The following KHDRBS3 variants were observed in gnomAD, a reference collection of about 807,000 sequenced individuals.
KHDRBS3 encodes KH RNA binding domain containing, signal transduction associated 3.
Under a neutral mutation model 45.6 loss-of-function variants are expected in KHDRBS3, and 23 were observed. That is an observed-to-expected ratio of 0.50 (90% CI 0.36 to 0.72). KHDRBS3 has a LOEUF of 0.72. Ranked by LOEUF, KHDRBS3 falls within the 30% of genes least tolerant of loss-of-function variation. KHDRBS3 has a pLI of 0.00. For synonymous variants in KHDRBS3, 162 were observed against 156.5 expected, an observed-to-expected ratio of 1.04 and a Z score of -0.26; for missense variants, 352 against 424.8, an observed-to-expected ratio of 0.83 and a Z score of 1.51.
chr8:135,535,309 A>T lies in KHDRBS3; in HGVS notation c.208-7345A>T, dbSNP rs1383517341. Among the ~76,000 whole-genome samples the T allele has an allele frequency of 1.1e-3, 106 of 94,140 alleles. 1 individual carries two copies. Among genetic ancestry groups the T allele is most frequent in the African/African-American group, 4.6e-3 (104 of 22,536 alleles). The allele number at this position is 94,140 out of a possible 152,430, so 61.8% of individuals were successfully genotyped here. A position where few individuals can be genotyped will look rare whatever the true frequency, so the allele number is the denominator to read the frequency against. ...ATAAACTATTATATATAGTTAAACT[A>T]TATATAAACTATTATATATAGTTAA... On this transcript the variant is annotated intron_variant, in intron 2 of 8. Transcript: ENST00000355849.
At chr8:135,627,439 C>CTACTTCTATCTCAT (rs1830420638) in intron 7 of KHDRBS3, among the ~76,000 whole-genome samples, 1 of 152,172 alleles carries the variant, frequency 6.6e-6, no homozygotes, top group Non-Finnish European at 1.5e-5. Context: ...TCTACTTCAT[C>CTACTTCTATCTCAT]TGCAAAAGGA....
At chr8:135,545,462 T>C (rs920628010) in intron 3 of KHDRBS3, among the ~76,000 whole-genome samples, 1 of 152,184 alleles carries the variant, frequency 6.6e-6, no homozygotes, top group African/African-American at 2.4e-5. Context: ...GTTTAATTTA[T>C]TCTTAGGTTT....
intron 1 of KHDRBS3, among the ~76,000 whole-genome samples, chr8:135,491,848 A>G (rs779572659): frequency 2.0e-5 from 3 of 152,174 alleles, no homozygotes; most frequent in African/African-American, 7.2e-5. Context: ...GCCTCTTAGC[A>G]GAAATTAAGG....
chr8:135,647,165 C>A lies in KHDRBS3; in HGVS notation c.*81C>A. 1 of 556,842 alleles carries A rather than the reference C, an allele frequency of 1.8e-6. No homozygotes were observed. Among genetic ancestry groups the A allele is most frequent in the Non-Finnish European group, 3.2e-6 (1 of 317,376 alleles). The allele number at this position is 556,842 out of a possible 1,614,324, so 34.5% of individuals were successfully genotyped here. A position where few individuals can be genotyped will look rare whatever the true frequency, so the allele number is the denominator to read the frequency against. On this transcript the variant is annotated 3_prime_UTR_variant, in exon 9 of 9. Transcript: ENST00000355849. ...AAAGTAATTTTTTTCTATGAACAAT[C>A]CCTTTTTAAATAAATCAGAATGCTT...
At chr8:135,627,778 T>C (rs1052518134) in intron 7 of KHDRBS3, among the ~76,000 whole-genome samples, 4 of 152,234 alleles carry the variant, frequency 2.6e-5, no homozygotes, top group Non-Finnish European at 5.9e-5. Context: ...CTATCAGTTA[T>C]CTTACCTCTA....
At chr8:135,614,519 G>T (rs7814800) in intron 7 of KHDRBS3, among the ~76,000 whole-genome samples, 151,479 of 151,864 alleles carry the variant, frequency 1, 75,559 homozygotes, top group East Asian at 1. Context: ...TTGGCTCCTA[G>T]AGTGATCATA....
intron 4 of KHDRBS3, among the ~76,000 whole-genome samples, chr8:135,552,866 G>T (rs954204184): frequency 6.6e-6 from 1 of 152,080 alleles, no homozygotes; most frequent in Non-Finnish European, 1.5e-5. Context: ...TGTAAGTGAG[G>T]TTTCCATCCT....
intron 8 of KHDRBS3, among the ~76,000 whole-genome samples, 189 bp from the exon 9 acceptor site, chr8:135,646,804 T>C (rs1328266419): frequency 6.6e-6 from 1 of 152,192 alleles, no homozygotes; most frequent in East Asian, 1.9e-4. Flanking sequence ...GCGAGTGAGA[T>C]GATTATTTTT....
intron 2 of KHDRBS3, among the ~76,000 whole-genome samples, chr8:135,526,034 A>G (rs904145100): frequency 4.3e-4 from 66 of 152,260 alleles, no homozygotes; most frequent in African/African-American, 1.5e-3. Context: ...TTGTGTGACA[A>G]TTGCTTATAG....
At chr8:135,592,596 A>C (rs1828797598) in intron 6 of KHDRBS3, among the ~76,000 whole-genome samples, 1 of 152,212 alleles carries the variant, frequency 6.6e-6, no homozygotes, top group African/African-American at 2.4e-5. Context: ...ATAAGAGTCT[A>C]AGAAGGAACA....
intron 1 of KHDRBS3, among the ~76,000 whole-genome samples, chr8:135,500,483 T>TC (rs1823682651): frequency 6.6e-6 from 1 of 152,086 alleles, no homozygotes; most frequent in African/African-American, 2.4e-5. Context: ...GAAGAGGAAT[T>TC]ATCTGGAAAG....
chr8:135,500,401 A>G (rs1273280319), intron 1 of KHDRBS3, among the ~76,000 whole-genome samples: 1 of 152,152 alleles, frequency 6.6e-6, no homozygotes, highest in East Asian at 1.9e-4. Flanking sequence ...TATCAGAAGG[A>G]TTTGAGGAAC....
intron 7 of KHDRBS3, among the ~76,000 whole-genome samples, chr8:135,627,197 T>TA (rs976065272): frequency 2.0e-5 from 3 of 152,202 alleles, no homozygotes; most frequent in African/African-American, 4.8e-5. Context: ...CAGCTTTCTG[T>TA]AGTTACTAAG....
At chr8:135,470,762 T>C (rs926868705) in intron 1 of KHDRBS3, among the ~76,000 whole-genome samples, 1 of 151,996 alleles carries the variant, frequency 6.6e-6, no homozygotes, top group African/African-American at 2.4e-5. Flanking sequence ...ATTTTTGTAG[T>C]TTTAGTAGAG....
At chr8:135,609,499 T>G (rs1829621024) in intron 7 of KHDRBS3, among the ~76,000 whole-genome samples, 1 of 152,144 alleles carries the variant, frequency 6.6e-6, no homozygotes, top group South Asian at 2.1e-4. Flanking sequence ...TTCGCCATGT[T>G]GCTCAGGCTG....
chr8:135,548,800 A>T lies in KHDRBS3; in HGVS notation c.371A>T (p.Asn124Ile). 1 of 1,592,042 alleles carries T rather than the reference A, an allele frequency of 6.3e-7. No individual in the cohort carries two copies. Among genetic ancestry groups the T allele is most frequent in the Non-Finnish European group, 8.6e-7 (1 of 1,168,950 alleles). Reference protein sequence around the residue: ...KSGEAKYFHLNDDLHVLIEVF... With the variant: ...KSGEAKYFHLIDDLHVLIEVF... ...GGAGAAGCGAAGTACTTCCATCTCA[A>T]TGATGATCTCCATGTTCTCATTGAA... is the stretch of plus-strand genomic sequence containing the variant. The change falls in exon 4 of 9, where the codon AAT becomes ATT. Residue 124 changes from asparagine to isoleucine, a missense_variant. This residue lies in a region of KHDRBS3 where 46 missense variants were observed against 45.9 expected (regional missense o/e 1.00). Transcript: ENST00000355849.
At chr8:135,627,112 A>C (rs531960603) in intron 7 of KHDRBS3, among the ~76,000 whole-genome samples, 34 of 152,306 alleles carry the variant, frequency 2.2e-4, no homozygotes, top group Middle Eastern at 3.4e-3. Flanking sequence ...ACTCTGAATT[A>C]ATCATAAATT....
chr8:135,576,205 T>A (rs1563779602), intron 5 of KHDRBS3, among the ~76,000 whole-genome samples: 1 of 152,242 alleles, frequency 6.6e-6, no homozygotes, highest in Non-Finnish European at 1.5e-5. Flanking sequence ...ATAACGTAGC[T>A]GAGGTCATGC....
At chr8:135,573,993 GT>G (rs1460452940) in intron 5 of KHDRBS3, among the ~76,000 whole-genome samples, 4 of 152,020 alleles carry the variant, frequency 2.6e-5, no homozygotes, top group African/African-American at 9.7e-5. Context: ...CTGCTTTTCT[GT>G]TTTTAAAAAA....
Sources: gnomAD v4.1 joint callset for allele counts (sites outside exome capture counted in the v4.1 genomes callset) on GRCh38, gnomAD v4.1.1 for gene constraint, gnomAD v4.1.1 regional missense constraint, MANE v1.5 for transcripts, NCBI Gene and HGNC (gene_info 2026-07-23, HGNC 2026-07-21) for gene names.